The following INSYN2B variants were observed in gnomAD, a reference collection of about 807,000 sequenced individuals.
INSYN2B encodes protein INSYN2B.
INSYN2B carries 16 observed loss-of-function variants against 41.2 expected under a neutral mutation model. The ratio of observed to expected loss-of-function variants is 0.39; its 90% CI spans 0.26 to 0.59. The LOEUF (loss-of-function observed/expected upper bound fraction) is 0.59. Ranked by LOEUF, INSYN2B falls within the 20% of genes least tolerant of loss-of-function variation. The pLI, the probability that INSYN2B is intolerant of heterozygous loss-of-function variation, is 0.57. For missense variants in INSYN2B, 608 were observed against 646.4 expected, an observed-to-expected ratio of 0.94 and a Z score of 0.64; for synonymous variants, 245 against 244.4, an observed-to-expected ratio of 1.00 and a Z score of -0.02.
chr5:169,978,385 GTGT>G (rs1202358783), intron 1 of INSYN2B, among the ~76,000 whole-genome samples: 17 of 60,578 alleles, frequency 2.8e-4, no homozygotes, highest in Non-Finnish European at 4.8e-4. Context: ...ATGTGTGTGT[GTGT>G]GTGTGGGGGG....
intron 1 of INSYN2B, among the ~76,000 whole-genome samples, chr5:169,912,965 A>AT: frequency 6.6e-6 from 1 of 152,272 alleles, no homozygotes; most frequent in Non-Finnish European, 1.5e-5. Context: ...TTAATGGGTG[A>AT]TAATTTTGTA....
In INSYN2B at chr5:169,909,354, G is replaced by C. The variant is rs1293114039; in HGVS notation, c.-918-24538C>G. Among the ~76,000 whole-genome samples the C allele has an allele frequency of 2.0e-5, 3 of 152,204 alleles. No homozygotes were observed. The East Asian group carries it at 5.8e-4, about 29-fold the overall frequency. ...CTTTCTATTCAGTAGCACTGGATCAGAGTGATTAAGGAAATGAAATCAGTG... is the reference window on the plus strand; with the variant it reads ...CTTTCTATTCAGTAGCACTGGATCACAGTGATTAAGGAAATGAAATCAGTG... On this transcript the variant is annotated intron_variant, in intron 1 of 3. Transcript: ENST00000377365.
chr5:169,969,837 G>A (rs1473442534), intron 1 of INSYN2B, among the ~76,000 whole-genome samples: 5 of 152,262 alleles, frequency 3.3e-5, no homozygotes, highest in Non-Finnish European at 5.9e-5. Context: ...GCTCTCTTCA[G>A]GGGGCAGCTC....
At chr5:169,892,988 C>T (rs1396052036) in intron 1 of INSYN2B, among the ~76,000 whole-genome samples, 2 of 152,106 alleles carry the variant, frequency 1.3e-5, no homozygotes, top group South Asian at 2.1e-4. Flanking sequence ...ACCTTTCTTG[C>T]CCTCCTCTTT....
At chr5:169,896,095 T>C (rs1020161388) in intron 1 of INSYN2B, among the ~76,000 whole-genome samples, 3 of 151,664 alleles carry the variant, frequency 2.0e-5, no homozygotes, top group African/African-American at 7.3e-5. Context: ...CCTGATTGGC[T>C]GCACTGGGGC....
intron 1 of INSYN2B, among the ~76,000 whole-genome samples, chr5:169,950,669 C>A (rs1776625827): frequency 6.6e-6 from 1 of 152,216 alleles, no homozygotes; most frequent in Non-Finnish European, 1.5e-5. Context: ...GTATTTTGTC[C>A]AATGTTGTGT....
intron 1 of INSYN2B, among the ~76,000 whole-genome samples, chr5:169,885,048 A>G (rs1200806844): frequency 6.6e-6 from 1 of 152,014 alleles, no homozygotes; most frequent in Admixed American, 6.6e-5. Flanking sequence ...TCTGCACAGC[A>G]CTCAGCCAAC....
chr5:169,867,772 C>A (rs261024), intron 3 of INSYN2B, among the ~76,000 whole-genome samples: 3 of 151,988 alleles, frequency 2.0e-5, no homozygotes, highest in East Asian at 1.9e-4. Context: ...TGGTACTGCA[C>A]CCCTATTTGT....
At chr5:169,891,081 C>T (rs577735588) in intron 1 of INSYN2B, among the ~76,000 whole-genome samples, 4 of 152,188 alleles carry the variant, frequency 2.6e-5, no homozygotes, top group Non-Finnish European at 5.9e-5. Context: ...TTCCTTGTCC[C>T]ATCTCATCTC....
intron 1 of INSYN2B, 140 bp from the exon 2 acceptor site, chr5:169,884,956 T>C (rs1772881487): frequency 6.6e-6 from 1 of 152,124 alleles, no homozygotes; most frequent in South Asian, 2.1e-4. Flanking sequence ...TTCTCTCGGT[T>C]CTCTTTGTGA....
chr5:169,883,669 G>A lies in INSYN2B; in HGVS notation c.230C>T (p.Pro77Leu), dbSNP rs1383343843. 1 of 1,550,954 alleles carries A rather than the reference G, an allele frequency of 6.4e-7. No homozygotes were observed. Among genetic ancestry groups the A allele is most frequent in the Non-Finnish European group, 8.7e-7 (1 of 1,146,568 alleles). The change falls in exon 2 of 4, where the codon CCC becomes CTC. Residue 77 changes from proline (P) to leucine (L), a missense_variant. Coordinates refer to ENST00000377365, the MANE Select transcript of INSYN2B (RefSeq NM_001129891.3). ...KTQATRHHLPPTYSLSFPRSQ... is the reference protein window; with the variant it reads ...KTQATRHHLPLTYSLSFPRSQ... ...CCTGGGGAAGGAGAGCGAGTAGGTGGGGGGAAGATGGTGCCTGGTTGCTTG... is the reference window on the plus strand; with the variant it reads ...CCTGGGGAAGGAGAGCGAGTAGGTGAGGGGAAGATGGTGCCTGGTTGCTTG...
At chr5:169,979,426 T>G (rs551957516) in intron 1 of INSYN2B, among the ~76,000 whole-genome samples, 27 of 152,246 alleles carry the variant, frequency 1.8e-4, no homozygotes, top group African/African-American at 6.5e-4. Flanking sequence ...GAGACACACA[T>G]CAGAGAAGCA....
At chr5:169,906,254 C>T (rs4362955) in intron 1 of INSYN2B, among the ~76,000 whole-genome samples, 1 of 152,094 alleles carries the variant, frequency 6.6e-6, no homozygotes, top group African/African-American at 2.4e-5. Flanking sequence ...CTAAGAGAGC[C>T]TCAGTTTCCT....
At chr5:169,877,614 G>A (rs1249233861) in intron 3 of INSYN2B, among the ~76,000 whole-genome samples, 1 of 152,140 alleles carries the variant, frequency 6.6e-6, no homozygotes, top group African/African-American at 2.4e-5. Flanking sequence ...GTTGCCTTGG[G>A]ATATGAAGTG....
chr5:169,892,109 C>T (rs1253155707), intron 1 of INSYN2B, among the ~76,000 whole-genome samples: 2 of 152,058 alleles, frequency 1.3e-5, no homozygotes, highest in African/African-American at 2.4e-5. Flanking sequence ...ATTCCTTTAG[C>T]GGTAAAATCA....
intron 1 of INSYN2B, among the ~76,000 whole-genome samples, chr5:169,965,269 T>C (rs1163434092): frequency 2.0e-5 from 3 of 152,230 alleles, no homozygotes; most frequent in African/African-American, 7.2e-5. Flanking sequence ...ACATTCTGAT[T>C]CTTCAGCTGC....
chr5:169,979,023 T>A (rs1370636179), intron 1 of INSYN2B, among the ~76,000 whole-genome samples: 1 of 152,226 alleles, frequency 6.6e-6, no homozygotes, highest in Non-Finnish European at 1.5e-5. Flanking sequence ...TTTCCCATCC[T>A]GGCATGCTGC....
At chr5:169,959,158 C>T (rs973051634) in intron 1 of INSYN2B, among the ~76,000 whole-genome samples, 5 of 151,868 alleles carry the variant, frequency 3.3e-5, no homozygotes, top group Non-Finnish European at 5.9e-5. Context: ...TTTGGGAGGC[C>T]GAGGGGGGCG....
intron 1 of INSYN2B, among the ~76,000 whole-genome samples, chr5:169,972,594 A>AGAT (rs1197155330): frequency 2.5e-5 from 2 of 80,192 alleles, no homozygotes; most frequent in Non-Finnish European, 5.9e-5. Context: ...GATGATAGAT[A>AGAT]GATAGATAGA....
Sources: gnomAD v4.1 joint callset for allele counts (sites outside exome capture counted in the v4.1 genomes callset) on GRCh38, gnomAD v4.1.1 for gene constraint, MANE v1.5 for transcripts, NCBI Gene and HGNC (gene_info 2026-07-23, HGNC 2026-07-21) for gene names.